LINGO2: variants seen among roughly 807,000 people sequenced by gnomAD.
LINGO2 encodes the protein leucine rich repeat and Ig domain containing 2.
LINGO2 carries 14 observed loss-of-function variants against 30.6 expected under a neutral mutation model. That is an observed-to-expected ratio of 0.46 (90% confidence interval 0.30 to 0.72). The LOEUF (loss-of-function observed/expected upper bound fraction) is 0.72, where lower values mean the gene tolerates loss of function less well. Ranked by LOEUF, LINGO2 falls within the 30% of genes least tolerant of loss-of-function variation. LINGO2 has a pLI of 0.07. For missense variants in LINGO2, 729 were observed against 751.7 expected (o/e 0.97, Z 0.35); for synonymous variants, 317 against 288.5 (o/e 1.10, Z -1.00).
intron 1 of LINGO2, among the ~76,000 whole-genome samples, chr9:28,489,096 G>A (rs1175121264): frequency 6.6e-6 from 1 of 152,162 alleles, no homozygotes; most frequent in African/African-American, 2.4e-5. Context: ...GGGTAGAGGT[G>A]GGGAATTCCT....
At chr9:28,594,690 C>A (rs965041030) in intron 1 of LINGO2, among the ~76,000 whole-genome samples, 1 of 152,026 alleles carries the variant, frequency 6.6e-6, no homozygotes, top group Non-Finnish European at 1.5e-5. Flanking sequence ...TCCTAAATAG[C>A]TTTAGAAGAG....
the LINGO2 span, among the ~76,000 whole-genome samples, chr9:28,832,669 C>T: frequency 4.6e-5 from 7 of 152,070 alleles, no homozygotes; most frequent in African/African-American, 1.4e-4. Context: ...TAGTTTTAGC[C>T]ACATCCACAT....
intron 4 of LINGO2, among the ~76,000 whole-genome samples, chr9:28,184,782 C>G (rs1230476595): frequency 6.6e-6 from 1 of 152,030 alleles, no homozygotes; most frequent in Non-Finnish European, 1.5e-5. Flanking sequence ...AGTAAGAAAG[C>G]AAATTGGAAA....
chr9:28,238,289 A>G (rs1428924980), intron 4 of LINGO2, among the ~76,000 whole-genome samples: 1 of 152,158 alleles, frequency 6.6e-6, no homozygotes, highest in Admixed American at 6.6e-5. Flanking sequence ...TGCATTATAG[A>G]CCAAATGAAC....
chr9:29,143,192 A>G, the LINGO2 span, among the ~76,000 whole-genome samples: 36,161 of 151,910 alleles, frequency 0.24, 4,467 homozygotes, highest in East Asian at 0.44. Flanking sequence ...CAAATATCAC[A>G]TCTAGTGTTT....
the LINGO2 span, among the ~76,000 whole-genome samples, chr9:29,191,214 T>C: frequency 2.6e-5 from 4 of 152,070 alleles, no homozygotes; most frequent in Non-Finnish European, 4.4e-5. Flanking sequence ...AAATAAGAAA[T>C]ACAAAATTAA....
At chr9:29,152,120 T>C in the LINGO2 span, among the ~76,000 whole-genome samples, 1 of 151,960 alleles carries the variant, frequency 6.6e-6, no homozygotes, top group South Asian at 2.1e-4. Context: ...TGAAATACCA[T>C]CTCACACTGG....
chr9:28,265,187 A>ACACG (rs1347305260), intron 4 of LINGO2, among the ~76,000 whole-genome samples: 2 of 151,706 alleles, frequency 1.3e-5, no homozygotes, highest in Non-Finnish European at 2.9e-5. Context: ...ACACACACAC[A>ACACG]CGCACACACT....
At chr9:27,937,846 T>C in the LINGO2 span, 5 of 151,888 alleles carry the variant, frequency 3.3e-5, no homozygotes, top group Admixed American at 3.3e-4. Flanking sequence ...ATTACAATAG[T>C]TGTTGAAAAG....
the LINGO2 span, among the ~76,000 whole-genome samples, chr9:28,994,726 C>A: frequency 3.7e-4 from 56 of 152,094 alleles, no homozygotes; most frequent in Admixed American, 2.5e-3. Context: ...ATATCTGCAA[C>A]TATCTGATCT....
the LINGO2 span, among the ~76,000 whole-genome samples, chr9:29,090,609 A>T: frequency 6.6e-6 from 1 of 152,076 alleles, no homozygotes; most frequent in Non-Finnish European, 1.5e-5. Flanking sequence ...CTTAAAAAGT[A>T]TCATAAAGAA....
chr9:28,679,205 C>T, the LINGO2 span, among the ~76,000 whole-genome samples: 80 of 151,716 alleles, frequency 5.3e-4, no homozygotes, highest in Admixed American at 1.1e-3. Context: ...TGATGACTTT[C>T]AGAAAAAAAA....
chr9:28,992,912 G>T, the LINGO2 span, among the ~76,000 whole-genome samples: 3 of 151,648 alleles, frequency 2.0e-5, no homozygotes, highest in African/African-American at 7.3e-5. Flanking sequence ...AGAGTAAGCA[G>T]GAAAGATCCA....
intron 4 of LINGO2, among the ~76,000 whole-genome samples, chr9:28,282,613 G>C (rs1228977207): frequency 6.6e-6 from 1 of 152,048 alleles, no homozygotes; most frequent in African/African-American, 2.4e-5. Flanking sequence ...CCCTGTACTA[G>C]GCTATAATAA....
At chr9:28,993,478 TC>T in the LINGO2 span, among the ~76,000 whole-genome samples, 1 of 152,032 alleles carries the variant, frequency 6.6e-6, no homozygotes, top group African/African-American at 2.4e-5. Context: ...ACTATTCCAA[TC>T]AATAGAAAAA....
At chr9:28,966,493 C>T in the LINGO2 span, among the ~76,000 whole-genome samples, 1 of 151,942 alleles carries the variant, frequency 6.6e-6, no homozygotes, top group Non-Finnish European at 1.5e-5. Context: ...AGCTTACAAA[C>T]GAATAGCCAT....
intron 2 of LINGO2, among the ~76,000 whole-genome samples, chr9:28,417,723 C>T (rs551901382): frequency 6.6e-6 from 1 of 152,258 alleles, no homozygotes; most frequent in African/African-American, 2.4e-5. Flanking sequence ...TGTGCAATAT[C>T]TGTGTACCAT....
intron 1 of LINGO2, among the ~76,000 whole-genome samples, chr9:28,568,220 A>G (rs1823489817): frequency 6.6e-6 from 1 of 152,116 alleles, no homozygotes; most frequent in African/African-American, 2.4e-5. Flanking sequence ...GAAAACAGAC[A>G]AAGAGAAAAA....
the LINGO2 span, among the ~76,000 whole-genome samples, chr9:29,012,919 T>G: frequency 6.6e-6 from 1 of 152,182 alleles, no homozygotes; most frequent in Non-Finnish European, 1.5e-5. Flanking sequence ...TTTCTATTAG[T>G]GAAAGATATT....
Sources: gnomAD v4.1 joint callset for allele counts (sites outside exome capture counted in the v4.1 genomes callset) on GRCh38, gnomAD v4.1.1 for gene constraint, MANE v1.5 for transcripts, NCBI Gene and HGNC (gene_info 2026-07-23, HGNC 2026-07-21) for gene names.